The following CTNND2 variants were observed in gnomAD, a reference collection of about 807,000 sequenced individuals.
CTNND2 encodes the protein catenin delta 2, also known as catenin delta-2.
In CTNND2, 22 loss-of-function variants were observed where a neutral mutation model predicts 144.4. The observed-to-expected ratio is 0.15, with a 90% CI of 0.11 to 0.22. The LOEUF (loss-of-function observed/expected upper bound fraction) is 0.22, where lower values mean the gene tolerates loss of function less well. Ranked by LOEUF, CTNND2 falls within the 10% of genes least tolerant of loss-of-function variation. CTNND2 has a pLI of 1.00. For missense variants in CTNND2, 1,353 were observed against 1,618.8 expected (o/e 0.84, Z 2.82); for synonymous variants, 751 against 695.6 (o/e 1.08, Z -1.25).
intron 3 of CTNND2, among the ~76,000 whole-genome samples, chr5:11,484,346 T>C (rs26149): frequency 0.38 from 57,165 of 152,080 alleles, 11,120 homozygotes; most frequent in South Asian, 0.44. Context: ...CACAGCACTA[T>C]GACAATGCCT....
intron 1 of CTNND2, among the ~76,000 whole-genome samples, chr5:11,880,181 G>A (rs567848775): frequency 1.3e-5 from 2 of 152,200 alleles, no homozygotes; most frequent in South Asian, 4.1e-4. Context: ...ATATTTTCAT[G>A]AAGACATTAT....
intron 1 of CTNND2, among the ~76,000 whole-genome samples, chr5:11,739,866 T>A (rs1203832351): frequency 1.3e-5 from 2 of 152,104 alleles, no homozygotes; most frequent in Non-Finnish European, 2.9e-5. Context: ...AAAATCACTG[T>A]GCAAAAATCA....
chr5:11,264,119 T>C (rs1316659135), intron 9 of CTNND2, among the ~76,000 whole-genome samples: 2 of 152,246 alleles, frequency 1.3e-5, no homozygotes, highest in Non-Finnish European at 2.9e-5. Flanking sequence ...GAAATACTTA[T>C]TTCAATTATT....
At chr5:11,013,741 G>A (rs1235949053) in intron 18 of CTNND2, among the ~76,000 whole-genome samples, 2 of 152,160 alleles carry the variant, frequency 1.3e-5, no homozygotes, top group Non-Finnish European at 2.9e-5. Flanking sequence ...CTGCTGGAAC[G>A]GTACTGCCTT....
At chr5:11,220,547 C>T (rs766493448) in intron 10 of CTNND2, among the ~76,000 whole-genome samples, 2 of 152,160 alleles carry the variant, frequency 1.3e-5, no homozygotes, top group Non-Finnish European at 2.9e-5. Context: ...TTTCCCTGGA[C>T]CCCTGCCCAG....
At chr5:11,500,036 G>T (rs1275284646) in intron 3 of CTNND2, among the ~76,000 whole-genome samples, 1 of 152,092 alleles carries the variant, frequency 6.6e-6, no homozygotes, top group Non-Finnish European at 1.5e-5. Flanking sequence ...GGGCCTGTAA[G>T]AATCCCCTTA....
At chr5:11,226,351 C>T (rs965916155) in intron 10 of CTNND2, among the ~76,000 whole-genome samples, 8 of 152,328 alleles carry the variant, frequency 5.3e-5, no homozygotes, top group Admixed American at 4.6e-4. Flanking sequence ...TTGCTGTCCA[C>T]CCGCTTTACT....
chr5:11,085,375 T>C (rs1040947223), intron 15 of CTNND2, among the ~76,000 whole-genome samples: 3 of 152,236 alleles, frequency 2.0e-5, no homozygotes, highest in Non-Finnish European at 1.5e-5. Context: ...TGTGTGTATA[T>C]AGAAGATTTC....
At chr5:11,082,497 A>C (rs2149635019) in intron 16 of CTNND2, among the ~76,000 whole-genome samples, 199 bp downstream of exon 16, 1 of 152,368 alleles carries the variant, frequency 6.6e-6, no homozygotes, top group Non-Finnish European at 1.5e-5. Context: ...GTCAACGAGC[A>C]TCACATTTTC....
intron 3 of CTNND2, among the ~76,000 whole-genome samples, chr5:11,470,981 T>TA (rs58435800): frequency 0.079 from 4,899 of 61,772 alleles, 127 homozygotes; most frequent in African/African-American, 0.19. Flanking sequence ...TATATATATA[T>TA]TTTTTTTTTT....
chr5:11,726,040 T>G (rs4529193), intron 2 of CTNND2, among the ~76,000 whole-genome samples: 35,096 of 152,106 alleles, frequency 0.23, 5,132 homozygotes, highest in African/African-American at 0.41. Flanking sequence ...AGTGGCCCTT[T>G]TCAGTAATTA....
At chr5:10,977,457 CT>C (rs34882307) in intron 21 of CTNND2, among the ~76,000 whole-genome samples, 662 of 144,824 alleles carry the variant, frequency 4.6e-3, no homozygotes, top group Admixed American at 4.0e-3. Context: ...ATAGTTAAGT[CT>C]TTTTTTTTTT....
At chr5:11,314,111 C>A (rs780972540) in intron 9 of CTNND2, among the ~76,000 whole-genome samples, 1 of 152,136 alleles carries the variant, frequency 6.6e-6, no homozygotes, top group Non-Finnish European at 1.5e-5. Flanking sequence ...CTTTCTGGGA[C>A]CTCTGATAGC....
intron 2 of CTNND2, among the ~76,000 whole-genome samples, chr5:11,577,148 C>G (rs1778033978): frequency 1.3e-5 from 2 of 152,198 alleles, no homozygotes; most frequent in Admixed American, 1.3e-4. Flanking sequence ...GCAAGAATGA[C>G]ATTATCTTCT....
chr5:11,250,456 GCTCT>G (rs71595810), intron 9 of CTNND2, among the ~76,000 whole-genome samples: 738 of 73,152 alleles, frequency 0.01, 9 homozygotes, highest in South Asian at 0.021. Flanking sequence ...TTTAAAGGGT[GCTCT>G]CTCTCTCTCT....
intron 1 of CTNND2, among the ~76,000 whole-genome samples, chr5:11,751,978 T>C (rs756385849): frequency 6.6e-6 from 1 of 151,932 alleles, no homozygotes; most frequent in Non-Finnish European, 1.5e-5. Flanking sequence ...TGTTAAGTAC[T>C]TTTTCATAAA....
intron 2 of CTNND2, among the ~76,000 whole-genome samples, chr5:11,676,750 G>C (rs1214745706): frequency 6.6e-6 from 1 of 151,928 alleles, no homozygotes; most frequent in Non-Finnish European, 1.5e-5. Context: ...ATTCCTCTTT[G>C]GTGCAGATAA....
intron 3 of CTNND2, among the ~76,000 whole-genome samples, chr5:11,455,178 ACG>A (rs1765628666): frequency 6.6e-6 from 1 of 151,722 alleles, no homozygotes; most frequent in Non-Finnish European, 1.5e-5. Context: ...ATAGTAAAAA[ACG>A]CCAAGCAGAG....
intron 11 of CTNND2, among the ~76,000 whole-genome samples, chr5:11,161,162 C>T (rs993254438): frequency 7.9e-5 from 12 of 152,138 alleles, no homozygotes; most frequent in Admixed American, 4.6e-4. Flanking sequence ...ACAGCCATGT[C>T]GGTTCATTTC....
Sources: gnomAD v4.1 joint callset for allele counts (sites outside exome capture counted in the v4.1 genomes callset) on GRCh38, gnomAD v4.1.1 for gene constraint, MANE v1.5 for transcripts, NCBI Gene and HGNC (gene_info 2026-07-23, HGNC 2026-07-21) for gene names.